OPA1: variants seen among roughly 807,000 people sequenced by gnomAD.
OPA1 encodes OPA1 mitochondrial dynamin like GTPase, also known as dynamin-like GTPase OPA1, mitochondrial.
Under a neutral mutation model 152.9 loss-of-function variants are expected in OPA1, and 59 were observed. The ratio of observed to expected loss-of-function variants is 0.39; its 90% CI spans 0.31 to 0.48. The LOEUF is 0.48. Among genes scored for constraint, OPA1 ranks in the 20% least tolerant of loss-of-function variants. The probability of loss-of-function intolerance (pLI) is 0.96; values close to 1 mark genes in which losing one functional copy is unlikely to be tolerated. For synonymous variants in OPA1, 400 were observed against 389.9 expected, an observed-to-expected ratio of 1.03 and a Z score of -0.31; for missense variants, 1,008 against 1,216.8, an observed-to-expected ratio of 0.83 and a Z score of 2.55.
At chr3:193,670,853 T>C (rs534888952) in intron 29 of OPA1, among the ~76,000 whole-genome samples, 4 of 152,196 alleles carry the variant, frequency 2.6e-5, no homozygotes, top group African/African-American at 4.8e-5. Context: ...TTTGGAGATA[T>C]GGTAGATTCC....
intron 16 of OPA1, among the ~76,000 whole-genome samples, chr3:193,644,960 T>A (rs948974285): frequency 1.4e-4 from 22 of 152,130 alleles, no homozygotes; most frequent in African/African-American, 5.3e-4. Context: ...GTGAAAGGTC[T>A]CTATGCAAAT....
chr3:193,667,621 A>G (rs1490364995), intron 29 of OPA1, among the ~76,000 whole-genome samples: 1 of 150,750 alleles, frequency 6.6e-6, no homozygotes, highest in Non-Finnish European at 1.5e-5. Context: ...CGGTGAGCCA[A>G]GATCCTGCCA....
chr3:193,679,706 T>G (rs1414320492), intron 29 of OPA1, among the ~76,000 whole-genome samples: 1 of 152,190 alleles, frequency 6.6e-6, no homozygotes, highest in East Asian at 1.9e-4. Flanking sequence ...TTTTATGTGA[T>G]TTTTGATACG....
Position 193,614,771 on chromosome 3 carries a change from T to C in OPA1, c.81T>C (p.Ser27=), listed in dbSNP as rs1185215972. 5.6e-6 allele frequency: 9 copies of C among 1,613,992 alleles called. No individual in the cohort carries two copies. Among genetic ancestry groups the C allele is most frequent in the Non-Finnish European group, 6.8e-6 (8 of 1,179,964 alleles). Residue 27 remains serine (S), a synonymous_variant, in exon 2 of 31, where the codon AGT becomes AGC. Transcript: ENST00000361510. ...LVKHSSGIKG[S]LPLQKLHLVS... is the part of the protein sequence containing the mutation. The stretch of plus-strand genomic sequence containing the variant: ...AACACAGCTCTGGAATAAAAGGAAG[T>C]TTACCACTACAAAAACTACATCTGG...
chr3:193,638,007 C>A lies in OPA1; in HGVS notation c.1091C>A (p.Ala364Asp). The change falls in exon 11 of 31, where the codon GCC (alanine) becomes GAC (aspartate). Residue 364 changes from alanine (A) to aspartate (D), a missense_variant. Transcript: ENST00000361510. Reference sequence around the variant, plus strand: ...AAGACTAGTGTGTTGGAAATGATTGCCCAAGCTCGAATATTCCCAAGAGGA... The same window carrying A: ...AAGACTAGTGTGTTGGAAATGATTGACCAAGCTCGAATATTCCCAAGAGGA... ...AGKTSVLEMI[A>D]QARIFPRGSG... 6.2e-7 allele frequency: 1 copy of A among 1,614,078 alleles called. No individual in the cohort carries two copies.
chr3:193,620,621 A>AT (rs554706161), intron 6 of OPA1, among the ~76,000 whole-genome samples: 6 of 110,376 alleles, frequency 5.4e-5, no homozygotes, highest in South Asian at 2.7e-4. Flanking sequence ...AGACTTACCA[A>AT]TTTTTTTTTT....
In OPA1 at chr3:193,664,936, C is replaced by T; in HGVS notation, c.2718C>T (p.Asn906=). 1 of 1,609,150 alleles carries T rather than the reference C, an allele frequency of 6.2e-7. No homozygotes were observed. The highest frequency in any genetic ancestry group is 2.2e-5 in the East Asian group (1 of 44,690). ...GACATTTTTTAAAAACAGCTCTAAA[C>T]CATTGTAACCTTTGTCGAAGAGGTT... ...YRRHFLKTAL[N]HCNLCRRGFY... Residue 906 remains asparagine (N), a synonymous_variant, in exon 27 of 31, where the codon AAC becomes AAT. Transcript: ENST00000361510.
At chr3:193,679,025 C>G (rs1719672518) in intron 29 of OPA1, among the ~76,000 whole-genome samples, 2 of 152,158 alleles carry the variant, frequency 1.3e-5, no homozygotes, top group South Asian at 4.1e-4. Context: ...AAAATACTTC[C>G]ATGTACAGAA....
intron 8 of OPA1, among the ~76,000 whole-genome samples, chr3:193,634,835 G>A (rs1228480737): frequency 6.6e-6 from 1 of 152,140 alleles, no homozygotes; most frequent in Non-Finnish European, 1.5e-5. Context: ...CCTTGGTCAG[G>A]CTCTCAGATA....
chr3:193,657,041 T>C lies in OPA1; in HGVS notation c.2179-39T>C, dbSNP rs376525998. ...TTTTCATGTTAACCATTGAAGTATG[T>C]AGTAATAATATGGCTTTTTTTCTTT... is the stretch of plus-strand genomic sequence containing the variant. On this transcript the variant is annotated intron_variant, in intron 22 of 30. Transcript: ENST00000361510. 34 of 1,557,022 alleles carry C rather than the reference T, an allele frequency of 2.2e-5. No homozygotes were observed. The African/African-American group carries it at 4.5e-4, about 21-fold the overall frequency.
chr3:193,667,779 G>A (rs1193682539), intron 29 of OPA1, among the ~76,000 whole-genome samples: 1 of 151,230 alleles, frequency 6.6e-6, no homozygotes, highest in Non-Finnish European at 1.5e-5. Context: ...TTCATGTATA[G>A]TTCTTAGAAA....
At chr3:193,668,563 C>T in intron 29 of OPA1, 2 of 1,547,572 alleles carry the variant, frequency 1.3e-6, no homozygotes, top group Non-Finnish European at 1.7e-6. Flanking sequence ...TGAAGCCAGA[C>T]CATGCCTTTG....
In OPA1 at chr3:193,697,673, G is replaced by A. The variant is rs1345143723; in HGVS notation, c.*3073G>A. 1 of 152,186 alleles carries A rather than the reference G, an allele frequency of 6.6e-6. No individual in the cohort carries two copies. The highest frequency in any genetic ancestry group is 1.5e-5 in the Non-Finnish European group (1 of 68,048). The allele number at this position is 152,186 out of a possible 1,614,324, so 9.4% of individuals were successfully genotyped here. ...CAAGCTCTCAGTGTGGCTTTTCTCT[G>A]AATGCTTGAATTTCACATGCCTTGC... On this transcript the variant is annotated 3_prime_UTR_variant, in exon 31 of 31. Coordinates refer to ENST00000361510, the MANE Select transcript of OPA1 (RefSeq NM_130837.3).
At chr3:193,635,380 CT>C in intron 8 of OPA1, 37 bp from the exon 9 acceptor site, 1 of 1,258,898 alleles carries the variant, frequency 7.9e-7, no homozygotes, top group Non-Finnish European at 1.2e-6. Flanking sequence ...GATAACCCAT[CT>C]TTTGCTTATA....
intron 28 of OPA1, 151 bp from the exon 29 acceptor site, chr3:193,667,019 G>C (rs535519355): frequency 6.6e-6 from 4 of 609,498 alleles, no homozygotes; most frequent in Non-Finnish European, 5.8e-6. Context: ...TAAAACTACT[G>C]TATAACAGAG....
intron 29 of OPA1, among the ~76,000 whole-genome samples, chr3:193,688,359 A>T (rs181985015): frequency 1.5e-4 from 23 of 148,904 alleles, no homozygotes; most frequent in African/African-American, 4.7e-4. Context: ...ATATGATAGC[A>T]TATTATGGAG....
In OPA1 at chr3:193,660,412, ATTTTC is replaced by A. The variant is rs201529993; in HGVS notation, c.2520+859_2520+863del. On this transcript the variant is annotated intron_variant, in intron 25 of 30. Coordinates refer to ENST00000361510, the MANE Select transcript of OPA1 (RefSeq NM_130837.3). Reference sequence around the variant, plus strand: ...ATGAAAAAGATTTAGCATCCAATCCATTTTCTTTTCTTGTTTGCTTTGTTCCTTGA... The same window carrying A: ...ATGAAAAAGATTTAGCATCCAATCCATTTTCTTGTTTGCTTTGTTCCTTGA... Among the ~76,000 whole-genome samples, 929 of 152,252 alleles carry A rather than the reference ATTTTC, an allele frequency of 6.1e-3. 8 individuals are homozygous for A. The highest frequency in any genetic ancestry group is 0.021 in the African/African-American group (879 of 41,536).
intron 21 of OPA1, among the ~76,000 whole-genome samples, chr3:193,652,145 C>T (rs1044711306): frequency 6.6e-6 from 1 of 152,104 alleles, no homozygotes; most frequent in Non-Finnish European, 1.5e-5. Context: ...CTTTGGGAGG[C>T]CCCTATGGTC....
Position 193,662,847 on chromosome 3 carries a change from A to G in OPA1, c.2546A>G (p.Glu849Gly). The change falls in exon 26 of 31, where the codon GAA becomes GGA. Residue 849 changes from glutamate (E) to glycine (G), a missense_variant. Coordinates refer to ENST00000361510, the MANE Select transcript of OPA1 (RefSeq NM_130837.3). ...TGTGTTCACAATGAAACCAAGAATG[A>G]ATTGGAGAAGATGTTGAAATGTAAT... The part of the protein sequence containing the change: ...EQCVHNETKN[E>G]LEKMLKCNEE... 6.2e-7 allele frequency: 1 copy of G among 1,613,398 alleles called. No homozygotes were observed. Among genetic ancestry groups the G allele is most frequent in the Non-Finnish European group, 8.5e-7 (1 of 1,179,434 alleles).
Sources: allele counts gnomAD v4.1 joint callset (sites outside exome capture counted in the v4.1 genomes callset), GRCh38; gene constraint gnomAD v4.1.1; transcripts MANE v1.5; gene names NCBI Gene and HGNC (gene_info 2026-07-23, HGNC 2026-07-21).